The following RAD51B variants were observed in gnomAD, a reference collection of about 807,000 sequenced individuals.
RAD51B encodes the protein RAD51 paralog B.
Under a neutral mutation model 42.2 loss-of-function variants are expected in RAD51B, and 38 were observed. The observed-to-expected ratio is 0.90, with a 90% CI of 0.70 to 1.18. The LOEUF (loss-of-function observed/expected upper bound fraction) is 1.18, where lower values mean the gene tolerates loss of function less well. Ranked by LOEUF, RAD51B falls within the 50% of genes most tolerant of loss-of-function variation. RAD51B has a pLI of 0.00. For missense variants in RAD51B, 373 were observed against 400.7 expected (o/e 0.93, Z 0.59); for synonymous variants, 154 against 145.2 (o/e 1.06, Z -0.43).
chr14:68,600,397 GTCTAGGGTATTAAAC>G (rs1162425654), downstream of RAD51B, among the ~76,000 whole-genome samples: 1 of 152,170 alleles, frequency 6.6e-6, no homozygotes, highest in Non-Finnish European at 1.5e-5. Context: ...GTCCACCCAT[GTCTAGGGTATTAAAC>G]TCTAGACTGG....
chr14:68,282,898 G>A (rs1184514978), intron 7 of RAD51B, among the ~76,000 whole-genome samples: 1 of 152,084 alleles, frequency 6.6e-6, no homozygotes, highest in Admixed American at 6.5e-5. Flanking sequence ...AGGCTGGGGG[G>A]GACCCGAGAC....
chr14:67,975,397 C>G (rs2074974300), intron 7 of RAD51B, among the ~76,000 whole-genome samples: 2 of 152,212 alleles, frequency 1.3e-5, no homozygotes, highest in Non-Finnish European at 2.9e-5. Flanking sequence ...TGTTGGTCTC[C>G]TTGGCATTCA....
intron 7 of RAD51B, among the ~76,000 whole-genome samples, chr14:68,258,406 A>ACC (rs1182491572): frequency 6.0e-4 from 89 of 147,568 alleles, no homozygotes; most frequent in African/African-American, 2.1e-3. Flanking sequence ...ATACACACAC[A>ACC]CCACACACAC....
intron 7 of RAD51B, among the ~76,000 whole-genome samples, chr14:68,013,178 C>T (rs889261675): frequency 6.6e-6 from 1 of 152,126 alleles, no homozygotes. Context: ...CAGTTCCTCT[C>T]CACATGGGTC....
At chr14:67,962,522 A>G (rs923231710) in intron 7 of RAD51B, among the ~76,000 whole-genome samples, 4 of 152,200 alleles carry the variant, frequency 2.6e-5, no homozygotes, top group Admixed American at 2.6e-4. Context: ...AGACTTCACA[A>G]CAATGTGCAA....
At chr14:68,135,709 G>A (rs1239004495) in intron 7 of RAD51B, among the ~76,000 whole-genome samples, 1 of 152,104 alleles carries the variant, frequency 6.6e-6, no homozygotes, top group Non-Finnish European at 1.5e-5. Flanking sequence ...AGTGCTTTGG[G>A]AGTGGTTACA....
At chr14:68,086,121 C>T (rs1200579693) in intron 7 of RAD51B, among the ~76,000 whole-genome samples, 1 of 152,146 alleles carries the variant, frequency 6.6e-6, no homozygotes, top group Non-Finnish European at 1.5e-5. Flanking sequence ...AGAATGAGCG[C>T]AAGGTTTTGA....
chr14:67,853,940 C>T (rs2041902767), intron 4 of RAD51B, among the ~76,000 whole-genome samples: 1 of 152,170 alleles, frequency 6.6e-6, no homozygotes, highest in Non-Finnish European at 1.5e-5. Context: ...ATCAGAGACA[C>T]CAACTCTGCG....
At chr14:68,462,583 G>C (rs1193562538) in intron 9 of RAD51B, among the ~76,000 whole-genome samples, 1 of 152,172 alleles carries the variant, frequency 6.6e-6, no homozygotes, top group Non-Finnish European at 1.5e-5. Context: ...TCAAAACAGA[G>C]TCTCACGATG....
At chr14:68,201,583 G>A (rs1038341356) in intron 7 of RAD51B, among the ~76,000 whole-genome samples, 2 of 152,168 alleles carry the variant, frequency 1.3e-5, no homozygotes, top group Non-Finnish European at 2.9e-5. Context: ...CAGACCATTA[G>A]CAAGTAAGTC....
intron 10 of RAD51B, among the ~76,000 whole-genome samples, chr14:68,516,411 G>T (rs187903718): frequency 6.6e-6 from 1 of 152,130 alleles, no homozygotes; most frequent in South Asian, 2.1e-4. Context: ...TTGACTGTCC[G>T]GCTTAATAGA....
chr14:68,384,674 T>C (rs1040955260), intron 8 of RAD51B, among the ~76,000 whole-genome samples: 2 of 152,238 alleles, frequency 1.3e-5, no homozygotes, highest in African/African-American at 4.8e-5. Flanking sequence ...TTAAGGTTCC[T>C]TTTTCTTGTT....
intron 8 of RAD51B, among the ~76,000 whole-genome samples, chr14:68,328,658 T>G (rs1355292063): frequency 2.6e-5 from 4 of 152,242 alleles, no homozygotes; most frequent in Non-Finnish European, 5.9e-5. Context: ...AGAGGTTGTC[T>G]CTGAACTTGG....
At chr14:68,446,093 A>G (rs767388712) in intron 9 of RAD51B, among the ~76,000 whole-genome samples, 114 of 151,192 alleles carry the variant, frequency 7.5e-4, no homozygotes, top group Non-Finnish European at 7.9e-4. Context: ...AATGCTGATA[A>G]TAACATTATC....
intron 8 of RAD51B, among the ~76,000 whole-genome samples, chr14:68,355,734 A>G (rs1265152162): frequency 1.3e-5 from 2 of 152,212 alleles, no homozygotes; most frequent in African/African-American, 4.8e-5. Context: ...GAGAAATAAC[A>G]TTTTGGTGAG....
At chr14:68,276,426 AC>A (rs1487844335) in intron 7 of RAD51B, among the ~76,000 whole-genome samples, 1 of 152,100 alleles carries the variant, frequency 6.6e-6, no homozygotes, top group Non-Finnish European at 1.5e-5. Context: ...TTTTTTTTAA[AC>A]AGAAAAATAT....
intron 7 of RAD51B, among the ~76,000 whole-genome samples, chr14:68,186,707 A>G (rs2079164115): frequency 6.6e-6 from 1 of 152,198 alleles, no homozygotes; most frequent in Admixed American, 6.5e-5. Context: ...TTAAAAAGCC[A>G]AAAAACAACA....
At chr14:68,273,558 T>C (rs2081162384) in intron 7 of RAD51B, among the ~76,000 whole-genome samples, 1 of 152,196 alleles carries the variant, frequency 6.6e-6, no homozygotes, top group Non-Finnish European at 1.5e-5. Flanking sequence ...CAAATGCTTA[T>C]ATTATCAGGC....
chr14:68,139,055 A>G (rs10147311), intron 7 of RAD51B, among the ~76,000 whole-genome samples: 15,618 of 152,020 alleles, frequency 0.1, 2,424 homozygotes, highest in African/African-American at 0.34. Context: ...TAATTATAGC[A>G]GCTTTTATTT....
Sources: gnomAD v4.1 joint callset for allele counts (sites outside exome capture counted in the v4.1 genomes callset) on GRCh38, gnomAD v4.1.1 for gene constraint, MANE v1.5 for transcripts, NCBI Gene and HGNC (gene_info 2026-07-23, HGNC 2026-07-21) for gene names.